The following EDAR variants were observed in gnomAD, a reference collection of about 807,000 sequenced individuals.
EDAR encodes ectodysplasin A receptor.
Under a neutral mutation model 51.3 loss-of-function variants are expected in EDAR, and 38 were observed. That is an observed-to-expected ratio of 0.74 (90% confidence interval 0.57 to 0.97). The LOEUF (loss-of-function observed/expected upper bound fraction) is 0.97. Ranked by LOEUF, EDAR falls within the 50% of genes least tolerant of loss-of-function variation. The pLI is 0.00. For missense variants in EDAR, 528 were observed against 595.0 expected (o/e 0.89, Z 1.17); for synonymous variants, 227 against 242.1 (o/e 0.94, Z 0.58).
intron 1 of EDAR, among the ~76,000 whole-genome samples, chr2:108,943,333 C>T (rs1378480295): frequency 1.3e-5 from 2 of 152,156 alleles, no homozygotes; most frequent in East Asian, 1.9e-4. Context: ...GCTTTCTATC[C>T]CTCAGAGCTT....
intron 1 of EDAR, among the ~76,000 whole-genome samples, chr2:108,973,759 C>T (rs1698274163): frequency 6.6e-6 from 1 of 152,208 alleles, no homozygotes; most frequent in African/African-American, 2.4e-5. Flanking sequence ...ACAAGCTTGG[C>T]TTCCATCTCA....
chr2:108,981,647 T>C (rs1430970981), intron 1 of EDAR, among the ~76,000 whole-genome samples: 2 of 151,942 alleles, frequency 1.3e-5, no homozygotes, highest in African/African-American at 4.8e-5. Flanking sequence ...ATATATACTA[T>C]CCCCACACCC....
chr2:108,930,066 A>G, intron 3 of EDAR, 54 bp downstream of exon 3: 2 of 1,575,702 alleles, frequency 1.3e-6, no homozygotes, highest in Middle Eastern at 1.7e-4. Flanking sequence ...CAATGCCACA[A>G]GCAGGAGGCC....
rs545845307 is a variant in EDAR, at chr2:108,910,310, G to A, written c.803+150C>T. 5.4e-5 allele frequency: 36 copies of A among 670,178 alleles called. No homozygotes were observed. In the South Asian group the frequency reaches 5.9e-4, roughly 11 times the overall value. The allele number at this position is 670,178 out of a possible 1,614,324, so 41.5% of individuals were successfully genotyped here. On this transcript the variant is annotated intron_variant, in intron 9 of 11. Transcript: ENST00000258443. The stretch of plus-strand genomic sequence containing the variant: ...CACACCACCTGACCCCTGCCAGTCA[G>A]CAAAGAGGTGGTGGGGACTGTCTGT...
At chr2:108,980,031 A>G (rs1316810329) in intron 1 of EDAR, among the ~76,000 whole-genome samples, 1 of 139,844 alleles carries the variant, frequency 7.2e-6, no homozygotes, top group Non-Finnish European at 1.5e-5. Flanking sequence ...AGCTTGCTGT[A>G]TCAGTGACCA....
At chr2:108,913,282 A>G (rs772715002) in intron 5 of EDAR, among the ~76,000 whole-genome samples, 3 of 152,128 alleles carry the variant, frequency 2.0e-5, no homozygotes, top group African/African-American at 2.4e-5. Context: ...CACTCATGTG[A>G]TAAGTCTGCT....
intron 1 of EDAR, among the ~76,000 whole-genome samples, chr2:108,962,284 G>A (rs1698061850): frequency 6.6e-6 from 1 of 152,182 alleles, no homozygotes; most frequent in African/African-American, 2.4e-5. Flanking sequence ...TATGAAATAG[G>A]TAGGTTGTGT....
chr2:108,914,140 A>G (rs956758351), intron 5 of EDAR, among the ~76,000 whole-genome samples: 1 of 151,384 alleles, frequency 6.6e-6, no homozygotes, highest in Admixed American at 6.6e-5. Flanking sequence ...CATGCCTGTA[A>G]TCCCAGCTAC....
intron 11 of EDAR, among the ~76,000 whole-genome samples, chr2:108,901,055 A>C (rs1416336917): frequency 6.6e-6 from 1 of 152,228 alleles, no homozygotes; most frequent in Non-Finnish European, 1.5e-5. Context: ...CAACATTTAT[A>C]GAACACTCCA....
intron 1 of EDAR, among the ~76,000 whole-genome samples, chr2:108,947,328 A>G (rs1013601920): frequency 6.6e-6 from 1 of 151,476 alleles, no homozygotes; most frequent in Admixed American, 6.6e-5. Context: ...GTGCCTGTGG[A>G]TTTTCCAAGT....
At chr2:108,942,611 C>T (rs1697625714) in intron 1 of EDAR, among the ~76,000 whole-genome samples, 1 of 152,238 alleles carries the variant, frequency 6.6e-6, no homozygotes, top group South Asian at 2.1e-4. Context: ...TGAGTGAGGC[C>T]GTGAGGCGGG....
intron 9 of EDAR, among the ~76,000 whole-genome samples, chr2:108,910,057 C>T (rs1263169095): frequency 6.6e-6 from 1 of 152,228 alleles, no homozygotes; most frequent in East Asian, 1.9e-4. Flanking sequence ...CCGTCATCAC[C>T]ACGGTTGTTA....
At chr2:108,944,938 G>T (rs977348330) in intron 1 of EDAR, among the ~76,000 whole-genome samples, 2 of 152,170 alleles carry the variant, frequency 1.3e-5, no homozygotes, top group African/African-American at 4.8e-5. Context: ...GAAGGCCTAG[G>T]GTGTCCCTGC....
At chr2:108,969,539 C>A (rs1698203401) in intron 1 of EDAR, among the ~76,000 whole-genome samples, 1 of 152,222 alleles carries the variant, frequency 6.6e-6, no homozygotes, top group Non-Finnish European at 1.5e-5. Flanking sequence ...CCTTTATATG[C>A]TATTCAGGGA....
At chr2:108,910,326 G>A in intron 9 of EDAR, 134 bp downstream of exon 9, 1 of 718,884 alleles carries the variant, frequency 1.4e-6, no homozygotes, top group Non-Finnish European at 2.4e-6. Context: ...AGGTGGTGGG[G>A]ACTGTCTGTC....
intron 11 of EDAR, among the ~76,000 whole-genome samples, chr2:108,903,814 T>C (rs1388846761): frequency 6.6e-6 from 1 of 152,150 alleles, no homozygotes; most frequent in Non-Finnish European, 1.5e-5. Flanking sequence ...TATGTGGACT[T>C]AGAATGTAAA....
At chr2:108,984,265 C>A (rs374152830) in intron 1 of EDAR, among the ~76,000 whole-genome samples, 1 of 152,094 alleles carries the variant, frequency 6.6e-6, no homozygotes, top group African/African-American at 2.4e-5. Flanking sequence ...TACTTGGAGA[C>A]CCAGCTCCTT....
intron 1 of EDAR, among the ~76,000 whole-genome samples, chr2:108,975,668 G>A (rs151054189): frequency 2.6e-4 from 40 of 152,274 alleles, no homozygotes; most frequent in African/African-American, 9.6e-4. Flanking sequence ...CGGTCTGGGA[G>A]CTAAGGAGCT....
chr2:108,979,467 T>TCACA (rs5833308), intron 1 of EDAR, among the ~76,000 whole-genome samples: 25 of 147,222 alleles, frequency 1.7e-4, no homozygotes, highest in African/African-American at 5.5e-4. Context: ...TCTCTCTCTC[T>TCACA]CACACACACA....
Sources: allele counts gnomAD v4.1 joint callset (sites outside exome capture counted in the v4.1 genomes callset), GRCh38; gene constraint gnomAD v4.1.1; transcripts MANE v1.5; gene names NCBI Gene and HGNC (gene_info 2026-07-23, HGNC 2026-07-21).